IL1RAPL1: variants seen among roughly 807,000 people sequenced by gnomAD.
IL1RAPL1 encodes interleukin-1 receptor accessory protein-like 1.
Under a neutral mutation model 48.4 loss-of-function variants are expected in IL1RAPL1, and 3 were observed. The ratio of observed to expected loss-of-function variants is 0.06; its 90% CI spans 0.03 to 0.16. IL1RAPL1 has a LOEUF of 0.16. Ranked by LOEUF, IL1RAPL1 falls within the 10% of genes least tolerant of loss-of-function variation. The probability of loss-of-function intolerance (pLI) is 1.00; values close to 1 mark genes in which losing one functional copy is unlikely to be tolerated. For missense variants in IL1RAPL1, 349 were observed against 530.6 expected, an observed-to-expected ratio of 0.66 and a Z score of 3.36; for synonymous variants, 185 against 187.7, an observed-to-expected ratio of 0.99 and a Z score of 0.12.
rs1249649871 is a variant in IL1RAPL1, at chrX:28,929,872, A to G, written c.82+140447A>G. On this transcript the variant is annotated intron_variant, in intron 2 of 10. Transcript: ENST00000378993. Reference sequence around the variant, plus strand: ...AATAGTTTTTCCTGTGTGTTAATGCAACAAAATGGAAGCAAAAAGATATAT... The same window carrying G: ...AATAGTTTTTCCTGTGTGTTAATGCGACAAAATGGAAGCAAAAAGATATAT... Among the ~76,000 whole-genome samples, 11 of 112,357 alleles carry G rather than the reference A, an allele frequency of 9.8e-5. 1 individual carries two copies.
chrX:29,944,819 G>A (rs893805915), intron 9 of IL1RAPL1, among the ~76,000 whole-genome samples: 5 of 110,966 alleles, frequency 4.5e-5, no homozygotes, highest in Non-Finnish European at 9.4e-5. Flanking sequence ...TTCTGAAGGC[G>A]TAGATCCTTG....
At chrX:29,271,635 A>G (rs1266494175) in intron 2 of IL1RAPL1, among the ~76,000 whole-genome samples, 1 of 111,980 alleles carries the variant, frequency 8.9e-6, no homozygotes, top group African/African-American at 3.2e-5. Context: ...GCATTTTTTC[A>G]TGTGCTTGTT....
At chrX:29,779,824 A>T (rs1424296798) in intron 6 of IL1RAPL1, among the ~76,000 whole-genome samples, 1 of 111,315 alleles carries the variant, frequency 9.0e-6, no homozygotes, top group Non-Finnish European at 1.9e-5. Context: ...AACATATATT[A>T]ATTTTATTAT....
intron 1 of IL1RAPL1, among the ~76,000 whole-genome samples, chrX:28,680,631 T>C (rs1935049246): frequency 1.8e-5 from 2 of 111,737 alleles, no homozygotes; most frequent in Admixed American, 1.9e-4. Flanking sequence ...GTTCCTTCTA[T>C]ACCTATTTTG....
At chrX:29,249,177 G>A (rs1245245099) in intron 2 of IL1RAPL1, among the ~76,000 whole-genome samples, 1 of 111,254 alleles carries the variant, frequency 9.0e-6, no homozygotes, top group Non-Finnish European at 1.9e-5. Context: ...GGAGATTGGA[G>A]TGGGACAAAA....
chrX:29,835,243 A>C (rs1476519532), intron 6 of IL1RAPL1, among the ~76,000 whole-genome samples: 3 of 112,011 alleles, frequency 2.7e-5, no homozygotes, highest in African/African-American at 6.5e-5. Flanking sequence ...TTAAAAAAAA[A>C]CTGACATAGA....
At chrX:29,181,250 A>G (rs1472822619) in intron 2 of IL1RAPL1, among the ~76,000 whole-genome samples, 1 of 111,265 alleles carries the variant, frequency 9.0e-6, no homozygotes, top group Non-Finnish European at 1.9e-5. Flanking sequence ...GAAGGTTTTT[A>G]GCACACCATG....
At chrX:29,127,197 GA>G (rs1380982982) in intron 2 of IL1RAPL1, among the ~76,000 whole-genome samples, 7 of 110,472 alleles carry the variant, frequency 6.3e-5, no homozygotes, top group African/African-American at 2.3e-4. Flanking sequence ...ATACTTACTA[GA>G]TACAGGAAAA....
At chrX:29,485,271 C>A (rs1935084615) in intron 5 of IL1RAPL1, among the ~76,000 whole-genome samples, 1 of 111,807 alleles carries the variant, frequency 8.9e-6, no homozygotes, top group Admixed American at 9.5e-5. Flanking sequence ...TTATTATCTC[C>A]AAATGAGTAG....
intron 1 of IL1RAPL1, among the ~76,000 whole-genome samples, chrX:28,657,818 A>G (rs930295564): frequency 8.9e-6 from 1 of 112,067 alleles, no homozygotes; most frequent in African/African-American, 3.2e-5. Context: ...GCAGAATGAA[A>G]CACCTAAGAA....
intron 8 of IL1RAPL1, among the ~76,000 whole-genome samples, chrX:29,929,642 C>CA (rs1932923421): frequency 9.0e-6 from 1 of 111,492 alleles, no homozygotes; most frequent in Admixed American, 9.6e-5. Context: ...TTACGACATG[C>CA]AACTGCAGTT....
At chrX:28,669,102 G>C (rs970092872) in intron 1 of IL1RAPL1, among the ~76,000 whole-genome samples, 1 of 111,015 alleles carries the variant, frequency 9.0e-6, no homozygotes, top group African/African-American at 3.3e-5. Flanking sequence ...GATGGACTTT[G>C]TTCAACATAC....
At chrX:29,101,781 C>A (rs986063849) in intron 2 of IL1RAPL1, among the ~76,000 whole-genome samples, 1 of 110,490 alleles carries the variant, frequency 9.1e-6, no homozygotes, top group African/African-American at 3.3e-5. Flanking sequence ...GCTAAAAATA[C>A]GAAAAATGAG....
intron 2 of IL1RAPL1, among the ~76,000 whole-genome samples, chrX:29,109,704 A>G (rs1408981099): frequency 9.0e-6 from 1 of 110,883 alleles, no homozygotes; most frequent in South Asian, 3.8e-4. Flanking sequence ...TTTATTTTCA[A>G]ATTTTCAAAA....
chrX:29,773,997 A>G (rs747333896), intron 6 of IL1RAPL1, among the ~76,000 whole-genome samples: 1 of 110,988 alleles, frequency 9.0e-6, no homozygotes, highest in East Asian at 2.8e-4. Context: ...ACACATACAA[A>G]TATACATGTA....
At chrX:29,634,086 T>C (rs1375527024) in intron 5 of IL1RAPL1, among the ~76,000 whole-genome samples, 1 of 111,660 alleles carries the variant, frequency 9.0e-6, no homozygotes, top group Non-Finnish European at 1.9e-5. Flanking sequence ...ACAGATGAGA[T>C]AGGTTCAAGA....
intron 5 of IL1RAPL1, among the ~76,000 whole-genome samples, chrX:29,548,833 G>C (rs1921713259): frequency 8.9e-6 from 1 of 111,852 alleles, no homozygotes; most frequent in Admixed American, 9.5e-5. Context: ...TTACTGTGCA[G>C]ATAAGGTGGC....
At chrX:29,405,360 C>CTTTCTTTTTTTTTTTTTTT (rs1377087452) in intron 5 of IL1RAPL1, among the ~76,000 whole-genome samples, 1 of 99,460 alleles carries the variant, frequency 1.0e-5, no homozygotes, top group African/African-American at 4.5e-5. Context: ...TCTCTGTGTT[C>CTTTCTTTTTTTTTTTTTTT]TTTATTTATT....
intron 2 of IL1RAPL1, among the ~76,000 whole-genome samples, chrX:29,250,680 G>A (rs1427496961): frequency 6.3e-5 from 7 of 111,410 alleles, no homozygotes; most frequent in Non-Finnish European, 1.1e-4. Flanking sequence ...AAAAAGAAGG[G>A]TATTTAGATA....
Sources: allele counts gnomAD v4.1 joint callset (sites outside exome capture counted in the v4.1 genomes callset), GRCh38; gene constraint gnomAD v4.1.1; transcripts MANE v1.5; gene names NCBI Gene and HGNC (gene_info 2026-07-23, HGNC 2026-07-21).